Variants in B3GAT2 observed in about 807,000 individuals in gnomAD.
The protein encoded by B3GAT2 is beta-1,3-glucuronyltransferase 2.
In B3GAT2, 26 loss-of-function variants were observed where a neutral mutation model predicts 27.8. The observed-to-expected ratio is 0.93, with a 90% CI of 0.68 to 1.30. The LOEUF is 1.30. Ranked by LOEUF, B3GAT2 falls within the 50% of genes most tolerant of loss-of-function variation. The pLI is 0.00. For synonymous variants in B3GAT2, 218 were observed against 195.1 expected (o/e 1.12, Z -0.98); for missense variants, 458 against 459.0 (o/e 1.00, Z 0.02).
chr6:70,861,984 TG>T lies in B3GAT2; in HGVS notation c.737-7del. 1 of 1,567,996 alleles carries T rather than the reference TG, an allele frequency of 6.4e-7. No individual in the cohort carries two copies. Among genetic ancestry groups the T allele is most frequent in the Admixed American group, 2.1e-5 (1 of 48,592 alleles). On this transcript the variant is annotated splice_polypyrimidine_tract_variant and splice_region_variant and intron_variant, in intron 2 of 3. Coordinates refer to ENST00000230053, the MANE Select transcript of B3GAT2 (RefSeq NM_080742.3). ...TTGAAGACTTACAGCAAATCCTTTG[TG>T]AAAAATAAAAAAAAAAAAGAGACTT...
chr6:70,870,021 C>T (rs1171249765), intron 2 of B3GAT2, among the ~76,000 whole-genome samples: 3 of 152,064 alleles, frequency 2.0e-5, no homozygotes, highest in African/African-American at 7.2e-5. Context: ...TACCATTTGA[C>T]CCAGCCATCC....
intron 1 of B3GAT2, among the ~76,000 whole-genome samples, chr6:70,926,109 GCATCAACAAAACTAGCATCAA>G (rs1241924710): frequency 6.6e-6 from 1 of 152,106 alleles, no homozygotes; most frequent in East Asian, 1.9e-4. Flanking sequence ...AACTAACAAA[GCATCAACAAAACTAGCATCAA>G]CATCAACAAA....
intron 1 of B3GAT2, among the ~76,000 whole-genome samples, chr6:70,897,948 T>C (rs964073261): frequency 1.3e-5 from 2 of 152,184 alleles, no homozygotes; most frequent in African/African-American, 4.8e-5. Flanking sequence ...TTCTGGATGC[T>C]CTAATCTGGT....
rs1463280955 is a variant in B3GAT2, at chr6:70,861,988, A to AAAT, written c.737-13_737-11dup. 3.8e-6 allele frequency: 6 copies of AAAT among 1,570,722 alleles called. No individual in the cohort carries two copies. The highest frequency in any genetic ancestry group is 5.2e-6 in the Non-Finnish European group (6 of 1,163,988). ...AGACTTACAGCAAATCCTTTGTGAA[A>AAAT]AATAAAAAAAAAAAAGAGACTTTAA... On this transcript the variant is annotated splice_polypyrimidine_tract_variant and intron_variant, in intron 2 of 3. Coordinates refer to ENST00000230053, the MANE Select transcript of B3GAT2 (RefSeq NM_080742.3).
In B3GAT2 at chr6:70,956,035, C is replaced by T. The variant is rs771414127; in HGVS notation, c.395G>A (p.Arg132Gln). Residue 132 changes from arginine to glutamine, a missense_variant, in exon 1 of 4, where the codon CGG becomes CAG. By Grantham distance (43) the Arg-to-Gln change is conservative. Coordinates refer to ENST00000230053, the MANE Select transcript of B3GAT2 (RefSeq NM_080742.3). ...CAGGTGAGTGCTGGGCAGCCCGGCC[C>T]GCGCCAGGAAGCGGCTCACCAGCTC... ...RSELVSRFLA[R>Q]AGLPSTHLHV... 3 of 1,557,428 alleles carry T rather than the reference C, an allele frequency of 1.9e-6. No homozygotes were observed. Among genetic ancestry groups the T allele is most frequent in the South Asian group, 2.4e-5 (2 of 83,562 alleles).
intron 1 of B3GAT2, among the ~76,000 whole-genome samples, chr6:70,919,836 A>T (rs558658285): frequency 3.3e-5 from 5 of 152,282 alleles, no homozygotes; most frequent in Admixed American, 6.5e-5. Flanking sequence ...GTATCCCCCA[A>T]TCAGGCTACA....
intron 2 of B3GAT2, among the ~76,000 whole-genome samples, chr6:70,891,385 G>T (rs78050273): frequency 0.023 from 3,523 of 152,198 alleles, 53 homozygotes; most frequent in Middle Eastern, 0.068. Context: ...TGCCATTATG[G>T]TTGTAAACAT....
Position 70,857,827 on chromosome 6 carries a change from G to A in B3GAT2, c.*3836C>T, listed in dbSNP as rs1437928162. Reference sequence around the variant, plus strand: ...AAACTGGAATTAAAATGTTTGCTGTGAGTAGTTCAGAAAGGCAATTTTTCT... The same window carrying A: ...AAACTGGAATTAAAATGTTTGCTGTAAGTAGTTCAGAAAGGCAATTTTTCT... On this transcript the variant is annotated 3_prime_UTR_variant, in exon 4 of 4. Transcript: ENST00000230053. 16 of 1,353,682 alleles carry A rather than the reference G, an allele frequency of 1.2e-5. No individual in the cohort carries two copies. The highest frequency in any genetic ancestry group is 1.6e-5 in the Non-Finnish European group (16 of 982,210). The allele number at this position is 1,353,682 out of a possible 1,614,324, so 83.9% of individuals were successfully genotyped here.
intron 1 of B3GAT2, among the ~76,000 whole-genome samples, chr6:70,951,899 T>A (rs903681432): frequency 6.6e-6 from 1 of 152,102 alleles, no homozygotes; most frequent in Non-Finnish European, 1.5e-5. Flanking sequence ...ATCTTCTAGG[T>A]TCCTTCACTT....
chr6:70,903,710 C>T (rs1171164064), intron 1 of B3GAT2, among the ~76,000 whole-genome samples: 1 of 151,342 alleles, frequency 6.6e-6, no homozygotes, highest in Non-Finnish European at 1.5e-5. Flanking sequence ...TACTGACCCA[C>T]CAGAATGGCT....
intron 1 of B3GAT2, among the ~76,000 whole-genome samples, chr6:70,946,985 G>A (rs972691856): frequency 6.6e-6 from 1 of 151,938 alleles, no homozygotes; most frequent in Non-Finnish European, 1.5e-5. Flanking sequence ...ATGACTACTG[G>A]GTACATAACG....
intron 1 of B3GAT2, among the ~76,000 whole-genome samples, chr6:70,897,080 C>T (rs1416149011): frequency 1.3e-5 from 2 of 152,130 alleles, no homozygotes; most frequent in Non-Finnish European, 2.9e-5. Context: ...TTGGTATTGT[C>T]GATCTTCAAT....
chr6:70,885,962 T>C (rs567729440), intron 2 of B3GAT2, among the ~76,000 whole-genome samples: 1 of 152,210 alleles, frequency 6.6e-6, no homozygotes, highest in Non-Finnish European at 1.5e-5. Context: ...AACACTGACC[T>C]AATTCATCAA....
chr6:70,944,215 C>T (rs190142331), intron 1 of B3GAT2, among the ~76,000 whole-genome samples: 3 of 150,256 alleles, frequency 2.0e-5, no homozygotes, highest in Non-Finnish European at 4.5e-5. Flanking sequence ...GAGTGCCAGA[C>T]AGTGGGCGCA....
chr6:70,920,828 G>A (rs1772856894), intron 1 of B3GAT2, among the ~76,000 whole-genome samples: 1 of 152,176 alleles, frequency 6.6e-6, no homozygotes, highest in Non-Finnish European at 1.5e-5. Context: ...GGCATGTCTG[G>A]TGGTAATGAA....
Position 70,949,884 on chromosome 6 carries a change from A to G in B3GAT2, c.591+5955T>C, listed in dbSNP as rs1314261765. Among the ~76,000 whole-genome samples the G allele has an allele frequency of 3.9e-5, 6 of 152,226 alleles. No homozygotes were observed. The East Asian group carries it at 1.2e-3, about 29-fold the overall frequency. On this transcript the variant is annotated intron_variant, in intron 1 of 3. Coordinates refer to ENST00000230053, the MANE Select transcript of B3GAT2 (RefSeq NM_080742.3). Reference sequence around the variant, plus strand: ...GAATACTATGCAGCCATAAAAAATGATGAGTTCATGTCCTTTGCAGGGACA... The same window carrying G: ...GAATACTATGCAGCCATAAAAAATGGTGAGTTCATGTCCTTTGCAGGGACA...
In B3GAT2 at chr6:70,859,290, A is replaced by G. The variant is rs562043305; in HGVS notation, c.*2373T>C. Reference sequence around the variant, plus strand: ...CACCCAGCTCAGGTTAAGGTGCTAGATGAACCAGGAAGGAGTTAATACTGG... The same window carrying G: ...CACCCAGCTCAGGTTAAGGTGCTAGGTGAACCAGGAAGGAGTTAATACTGG... On this transcript the variant is annotated 3_prime_UTR_variant, in exon 4 of 4. Transcript: ENST00000230053. 1.7e-5 allele frequency: 25 copies of G among 1,459,772 alleles called. 2 individuals are homozygous for G. In the South Asian group the frequency reaches 3.0e-4, roughly 17 times the overall value. 90.4% of individuals were successfully genotyped at this position (1,459,772 alleles called of 1,614,324 possible). A position where few individuals can be genotyped will look rare whatever the true frequency, so the allele number is the denominator to read the frequency against.
At chr6:70,917,279 T>C (rs1772789320) in intron 1 of B3GAT2, among the ~76,000 whole-genome samples, 1 of 152,226 alleles carries the variant, frequency 6.6e-6, no homozygotes, top group African/African-American at 2.4e-5. Flanking sequence ...TCTATTTGAT[T>C]CTTCTCTCTT....
At chr6:70,919,381 G>A (rs1236082492) in intron 1 of B3GAT2, among the ~76,000 whole-genome samples, 2 of 152,086 alleles carry the variant, frequency 1.3e-5, no homozygotes, top group South Asian at 2.1e-4. Flanking sequence ...TGTTATTACC[G>A]ACCTTCTGAA....
Sources: allele counts gnomAD v4.1 joint callset (sites outside exome capture counted in the v4.1 genomes callset), GRCh38; gene constraint gnomAD v4.1.1; transcripts MANE v1.5; gene names NCBI Gene and HGNC (gene_info 2026-07-23, HGNC 2026-07-21).